Variants in PCDH11X observed in about 807,000 individuals in gnomAD.
The protein encoded by PCDH11X is protocadherin-11 X-linked.
Under a neutral mutation model 53.3 loss-of-function variants are expected in PCDH11X, and 18 were observed. The observed-to-expected ratio is 0.34, with a 90% CI of 0.23 to 0.50. PCDH11X has a LOEUF of 0.50. PCDH11X is among the 20% of genes least tolerant of loss of function. The pLI is 0.98. For synonymous variants in PCDH11X, 279 were observed against 393.3 expected (o/e 0.71, Z 3.44); for missense variants, 570 against 1,032.4 (o/e 0.55, Z 6.14).
chrX:91,870,424 A>G (rs1053954793), intron 5 of PCDH11X, among the ~76,000 whole-genome samples: 10 of 110,885 alleles, frequency 9.0e-5, no homozygotes, highest in African/African-American at 2.9e-4. Flanking sequence ...CAAAAATTCT[A>G]TCATTTTCAA....
chrX:92,569,135 T>A lies in PCDH11X; in HGVS notation c.3368-49129T>A, dbSNP rs1333797571. 4.6e-5 allele frequency among the ~76,000 whole-genome samples: 5 copies of A among 109,181 alleles called. No individual in the cohort carries two copies. In the Admixed American group the frequency reaches 5.0e-4, roughly 11 times the overall value. 94.8% of individuals were successfully genotyped at this position (109,181 alleles called of 115,157 possible). ...ATTAATCATTGGAGAGGTATTGTGCTAAGAGTGAAAGAGTACAAAATTTTG... is the reference window on the plus strand; with the variant it reads ...ATTAATCATTGGAGAGGTATTGTGCAAAGAGTGAAAGAGTACAAAATTTTG... On this transcript the variant is annotated intron_variant, in intron 10 of 10. Coordinates refer to ENST00000682573, the MANE Select transcript of PCDH11X (RefSeq NM_032968.5).
chrX:91,837,375 C>T (rs1477439679), intron 5 of PCDH11X, among the ~76,000 whole-genome samples: 1 of 111,434 alleles, frequency 9.0e-6, no homozygotes, highest in Non-Finnish European at 1.9e-5. Flanking sequence ...AGAACAGTTT[C>T]GAGGTTCCTC....
intron 8 of PCDH11X, among the ~76,000 whole-genome samples, chrX:92,275,706 A>C (rs1280491793): frequency 8.9e-6 from 1 of 111,882 alleles, no homozygotes; most frequent in Non-Finnish European, 1.9e-5. Context: ...AGGACAGGTA[A>C]AATGGGGGAA....
chrX:91,890,000 A>G (rs1358051725), intron 6 of PCDH11X, among the ~76,000 whole-genome samples: 2 of 107,136 alleles, frequency 1.9e-5, no homozygotes, highest in Non-Finnish European at 3.8e-5. Context: ...CAAAATGCAC[A>G]CAAATTAAAG....
intron 6 of PCDH11X, among the ~76,000 whole-genome samples, chrX:92,088,162 A>G (rs1171587581): frequency 3.7e-5 from 4 of 109,199 alleles, no homozygotes; most frequent in African/African-American, 1.3e-4. Context: ...AATTGCATTT[A>G]AAATGAAGAG....
At chrX:92,413,617 C>A (rs2754964) in intron 9 of PCDH11X, among the ~76,000 whole-genome samples, 20,062 of 100,437 alleles carry the variant, frequency 0.2, 3,251 homozygotes, top group African/African-American at 0.46. Flanking sequence ...GAGGTTCATA[C>A]ATTTGGAAAG....
chrX:92,471,110 T>C lies in PCDH11X; in HGVS notation c.3367+2788T>C, dbSNP rs182966059. 4.2e-3 allele frequency among the ~76,000 whole-genome samples: 448 copies of C among 105,580 alleles called. 4 individuals are homozygous for C. Among genetic ancestry groups the C allele is most frequent in the African/African-American group, 0.015 (430 of 28,702 alleles). The allele number at this position is 105,580 out of a possible 115,157, so 91.7% of individuals were successfully genotyped here. A position where few individuals can be genotyped will look rare whatever the true frequency, so the allele number is the denominator to read the frequency against. On this transcript the variant is annotated intron_variant, in intron 10 of 10. Transcript: ENST00000682573. ...TGCTGGAAGATATATTTTTTCTTTT[T>C]TTTTTTTTAACTTTTAAGTTCAGGG...
At position 91,896,261 on chromosome X, in the gene PCDH11X, A is replaced by G. The variant is rs189283840; in HGVS notation, c.3033+16988A>G. On this transcript the variant is annotated intron_variant, in intron 6 of 10. Coordinates refer to ENST00000682573, the MANE Select transcript of PCDH11X (RefSeq NM_032968.5). ...CACTTCAGCCTCCCGAGTAGCTGGA[A>G]CTACAGACACGTGCCACCAGACTTG... 7.0e-3 allele frequency among the ~76,000 whole-genome samples: 770 copies of G among 110,182 alleles called. 26 individuals carry two copies. Among genetic ancestry groups the G allele is most frequent in the Admixed American group, 0.066 (678 of 10,252 alleles).
intron 1 of PCDH11X, among the ~76,000 whole-genome samples, chrX:91,780,881 A>G (rs770657755): frequency 2.7e-5 from 3 of 112,799 alleles, no homozygotes; most frequent in African/African-American, 9.6e-5. Flanking sequence ...GTGTATAGCC[A>G]GAGCCGCTTC....
chrX:92,104,929 G>A (rs1444950427), intron 6 of PCDH11X, among the ~76,000 whole-genome samples: 1 of 110,836 alleles, frequency 9.0e-6, no homozygotes, highest in African/African-American at 3.3e-5. Flanking sequence ...TTGCCACTAA[G>A]GGTGAAGGAG....
intron 4 of PCDH11X, among the ~76,000 whole-genome samples, chrX:91,823,246 G>A (rs899539012): frequency 5.4e-5 from 6 of 110,996 alleles, no homozygotes; most frequent in African/African-American, 9.9e-5. Flanking sequence ...TTTCTGTCTA[G>A]TTGATCTGTC....
chrX:92,113,765 G>A, intron 6 of PCDH11X: 8 of 1,200,636 alleles, frequency 6.7e-6, no homozygotes, highest in South Asian at 1.8e-5. Context: ...ACAAGAATCC[G>A]AATGGGGTCC....
intron 6 of PCDH11X, among the ~76,000 whole-genome samples, chrX:91,986,377 A>G (rs1260017327): frequency 8.9e-6 from 1 of 111,891 alleles, no homozygotes; most frequent in African/African-American, 3.2e-5. Context: ...TTCTTTATGT[A>G]TGTCATTGAT....
chrX:91,975,847 T>G (rs2062038884), intron 6 of PCDH11X, among the ~76,000 whole-genome samples: 2 of 110,467 alleles, frequency 1.8e-5, no homozygotes, highest in Admixed American at 9.7e-5. Context: ...ACTTAAATGC[T>G]ATCAATAATA....
At chrX:92,363,629 A>G (rs2070396052) in intron 8 of PCDH11X, among the ~76,000 whole-genome samples, 1 of 109,762 alleles carries the variant, frequency 9.1e-6, no homozygotes, top group African/African-American at 3.3e-5. Context: ...TTCCTTTCCA[A>G]TTTAGATGAC....
intron 9 of PCDH11X, among the ~76,000 whole-genome samples, chrX:92,429,196 A>G: frequency 9.0e-6 from 1 of 111,472 alleles, no homozygotes; most frequent in Non-Finnish European, 1.9e-5. Flanking sequence ...CATAAAGCCT[A>G]CCTTGACCAA....
In PCDH11X at chrX:92,297,465, G is replaced by A. The variant is rs761425347; in HGVS notation, c.3144+34322G>A. On this transcript the variant is annotated intron_variant, in intron 8 of 10. Transcript: ENST00000682573. ...AATGATCAGATGGTTGTAGGTATGC[G>A]GCTTTATTTCTGGGCTTTCTAATCC... Among the ~76,000 whole-genome samples the A allele has an allele frequency of 3.6e-4, 40 of 110,928 alleles. No individual in the cohort carries two copies. In the East Asian group the frequency reaches 9.5e-3, roughly 26 times the overall value.
intron 10 of PCDH11X, among the ~76,000 whole-genome samples, chrX:92,612,219 G>T (rs1032157521): frequency 1.8e-5 from 2 of 110,366 alleles, no homozygotes; most frequent in South Asian, 7.8e-4. Flanking sequence ...AATCCATCTG[G>T]TCTGGGTTTT....
chrX:91,870,807 A>G (rs1320840578), intron 5 of PCDH11X, among the ~76,000 whole-genome samples: 2 of 109,882 alleles, frequency 1.8e-5, no homozygotes, highest in Non-Finnish European at 3.8e-5. Flanking sequence ...CCAAAGAGAG[A>G]TGGTGTTTTC....
Sources: gnomAD v4.1 joint callset for allele counts (sites outside exome capture counted in the v4.1 genomes callset) on GRCh38, gnomAD v4.1.1 for gene constraint, MANE v1.5 for transcripts, NCBI Gene and HGNC (gene_info 2026-07-23, HGNC 2026-07-21) for gene names.